NLRP14: variants seen among roughly 807,000 people sequenced by gnomAD.
The protein encoded by NLRP14 is NLR family pyrin domain containing 14, also known as NACHT, LRR and PYD domains-containing protein 14.
A neutral mutation model predicts 94.7 loss-of-function variants in NLRP14; 105 were observed. That is an observed-to-expected ratio of 1.11 (90% CI 0.95 to 1.30). The LOEUF (loss-of-function observed/expected upper bound fraction) is 1.30. Among genes scored for constraint, NLRP14 ranks in the 50% most tolerant of loss-of-function variants. The pLI is 0.00. For synonymous variants in NLRP14, 508 were observed against 459.9 expected, an observed-to-expected ratio of 1.10 and a Z score of -1.34; for missense variants, 1,362 against 1,254.1, an observed-to-expected ratio of 1.09 and a Z score of -1.30.
chr11:7,046,621 GA>G, intron 4 of NLRP14, 46 bp from the exon 5 acceptor site: 2 of 1,566,270 alleles, frequency 1.3e-6, no homozygotes, highest in Non-Finnish European at 1.8e-6. Context: ...TGGCTAGGCT[GA>G]AATAAAATCA....
chr11:7,037,747 T>C (rs551771402), intron 1 of NLRP14, among the ~76,000 whole-genome samples: 2 of 152,208 alleles, frequency 1.3e-5, no homozygotes, highest in South Asian at 4.2e-4. Context: ...TGGAAGATAT[T>C]AGTAAAAAAT....
At chr11:7,051,548 T>C (rs1589866208) in intron 6 of NLRP14, among the ~76,000 whole-genome samples, 1 of 152,218 alleles carries the variant, frequency 6.6e-6, no homozygotes, top group Non-Finnish European at 1.5e-5. Flanking sequence ...TAAAATACCT[T>C]CTAAAACTTT....
downstream of NLRP14, among the ~76,000 whole-genome samples, chr11:7,073,593 C>T (rs1254598561): frequency 6.6e-6 from 1 of 152,190 alleles, no homozygotes; most frequent in African/African-American, 2.4e-5. Flanking sequence ...GTGACCTGTT[C>T]TTCTGACAAA....
At chr11:7,078,462 A>AAAG in the NLRP14 span, among the ~76,000 whole-genome samples, 1,376 of 88,406 alleles carry the variant, frequency 0.016, 388 homozygotes, top group African/African-American at 0.053. Context: ...AAAAAAAAAA[A>AAAG]CAAAAAAATT....
chr11:7,050,354 T>A lies in NLRP14; in HGVS notation c.2291+516T>A, dbSNP rs572346100. ...AATGGTCCTCTTTCAAGGTGCTTGC[T>A]GGCTACCACACACTATTGATCTGAG... On this transcript the variant is annotated intron_variant, in intron 6 of 11. Coordinates refer to ENST00000299481, the MANE Select transcript of NLRP14 (RefSeq NM_176822.4). Among the ~76,000 whole-genome samples the A allele has an allele frequency of 6.6e-5, 10 of 152,324 alleles. No homozygotes were observed. The South Asian group carries it at 2.1e-3, about 32-fold the overall frequency.
At chr11:7,071,002 C>T (rs369658717) in intron 11 of NLRP14, among the ~76,000 whole-genome samples, 171 bp from the exon 12 acceptor site, 5 of 152,246 alleles carry the variant, frequency 3.3e-5, no homozygotes, top group African/African-American at 1.2e-4. Flanking sequence ...ACTTTATCTC[C>T]CTCACTGTAT....
In NLRP14 at chr11:7,043,576, G is replaced by A; in HGVS notation, c.1550G>A (p.Ser517Asn). 6.2e-7 allele frequency: 1 copy of A among 1,614,160 alleles called. No individual in the cohort carries two copies. The highest frequency in any genetic ancestry group is 8.5e-7 in the Non-Finnish European group (1 of 1,180,008). The change falls in exon 4 of 12, where the codon AGC becomes AAC. Residue 517 changes from serine to asparagine, a missense_variant. Coordinates refer to ENST00000299481, the MANE Select transcript of NLRP14 (RefSeq NM_176822.4). ...GAAGATTTGAAGTCATTACTTCAAA[G>A]CACAAGTTATAAAGACCCCCATTTG... is the stretch of plus-strand genomic sequence containing the variant. ...PFEDLKSLLQSTSYKDPHLTQ... is the reference protein window; with the variant it reads ...PFEDLKSLLQNTSYKDPHLTQ...
chr11:7,036,776 A>G (rs1248291482), intron 1 of NLRP14, among the ~76,000 whole-genome samples: 1 of 152,112 alleles, frequency 6.6e-6, no homozygotes, highest in Non-Finnish European at 1.5e-5. Context: ...TAGAGTATAG[A>G]AGATTGAAGA....
chr11:7,080,786 G>A, the NLRP14 span, among the ~76,000 whole-genome samples: 7 of 152,218 alleles, frequency 4.6e-5, no homozygotes, highest in Middle Eastern at 3.2e-3. Context: ...AAAGAAACAC[G>A]AAACACGGCT....
In NLRP14 at chr11:7,043,520, G is replaced by A. The variant is rs776632466; in HGVS notation, c.1494G>A (p.Trp498Ter). Residue 498 changes from tryptophan (W) to a stop codon, truncating the protein, a stop_gained, in exon 4 of 12, where the codon TGG (tryptophan) becomes TGA (stop). Transcript: ENST00000299481. LOFTEE classifies it high-confidence loss of function. ...AAMFYMLKGS[W>*]EAGNPSCQPF... Reference sequence around the variant, plus strand: ...TGTTCTATATGTTGAAAGGCAGTTGGGAAGCTGGGAACCCTTCCTGCCAGC... The same window carrying A: ...TGTTCTATATGTTGAAAGGCAGTTGAGAAGCTGGGAACCCTTCCTGCCAGC... The A allele has an allele frequency of 4.3e-6, 7 of 1,614,032 alleles. No individual in the cohort carries two copies. In the East Asian group the frequency reaches 1.6e-4, roughly 36 times the overall value.
chr11:7,046,612 G>A (rs1192819108), intron 4 of NLRP14, 56 bp from the exon 5 acceptor site: 3 of 1,504,070 alleles, frequency 2.0e-6, no homozygotes, highest in African/African-American at 1.4e-5. Context: ...TCTGAGAGTT[G>A]GCTAGGCTGA....
chr11:7,046,886 C>A (rs535921365), intron 5 of NLRP14, 54 bp downstream of exon 5: 2 of 1,304,928 alleles, frequency 1.5e-6, no homozygotes, highest in African/African-American at 1.5e-5. Context: ...TTTCTGTGTC[C>A]CATCTTCCAC....
chr11:7,073,527 A>G (rs983010800), downstream of NLRP14, among the ~76,000 whole-genome samples: 1 of 152,106 alleles, frequency 6.6e-6, no homozygotes, highest in African/African-American at 2.4e-5. Flanking sequence ...ACAGGTGAGG[A>G]TCTCAGTCCC....
Position 7,042,728 on chromosome 11 carries a change from A to G in NLRP14, c.702A>G (p.Ser234=). ...LKERSFAQLI[S]KDWPSTEGPI... ...AGAGAAGCTTTGCTCAATTGATATC[A>G]AAGGACTGGCCCAGCACAGAAGGCC... Residue 234 remains serine, a synonymous_variant, in exon 4 of 12, where the codon TCA becomes TCG. Transcript: ENST00000299481. 6.2e-7 allele frequency: 1 copy of G among 1,614,246 alleles called. No homozygotes were observed. The highest frequency in any genetic ancestry group is 8.5e-7 in the Non-Finnish European group (1 of 1,180,042).
chr11:7,023,715 T>G (rs1226604394), intron 1 of NLRP14, among the ~76,000 whole-genome samples: 1 of 152,072 alleles, frequency 6.6e-6, no homozygotes, highest in Non-Finnish European at 1.5e-5. Flanking sequence ...TTCTGCAAGC[T>G]TTACAGGAAG....
At chr11:7,048,416 C>A (rs1852391520) in intron 5 of NLRP14, among the ~76,000 whole-genome samples, 1 of 152,034 alleles carries the variant, frequency 6.6e-6, no homozygotes, top group African/African-American at 2.4e-5. Flanking sequence ...TTGTGCCTGT[C>A]AATATGTACA....
chr11:7,021,869 C>T (rs1028527544), intron 1 of NLRP14, among the ~76,000 whole-genome samples: 5 of 150,844 alleles, frequency 3.3e-5, no homozygotes, highest in Non-Finnish European at 7.4e-5. Flanking sequence ...CCGGTAAGAA[C>T]GAACACTGGA....
Position 7,042,726 on chromosome 11 carries a change from T to G in NLRP14, c.700T>G (p.Ser234Ala). Residue 234 changes from serine to alanine, a missense_variant, in exon 4 of 12, where the codon TCA becomes GCA. Coordinates refer to ENST00000299481, the MANE Select transcript of NLRP14 (RefSeq NM_176822.4). ...AGAGAGAAGCTTTGCTCAATTGATA[T>G]CAAAGGACTGGCCCAGCACAGAAGG... Reference protein sequence around the residue: ...LKERSFAQLISKDWPSTEGPI... With the variant: ...LKERSFAQLIAKDWPSTEGPI... 1 of 1,614,190 alleles carries G rather than the reference T, an allele frequency of 6.2e-7. No individual in the cohort carries two copies. The highest frequency in any genetic ancestry group is 8.5e-7 in the Non-Finnish European group (1 of 1,180,004).
chr11:7,067,604 T>C (rs1852723393), intron 10 of NLRP14, among the ~76,000 whole-genome samples: 1 of 152,206 alleles, frequency 6.6e-6, no homozygotes, highest in South Asian at 2.1e-4. Context: ...CCAAATGTGA[T>C]GAATCACATC....
Sources: allele counts gnomAD v4.1 joint callset (sites outside exome capture counted in the v4.1 genomes callset), GRCh38; gene constraint gnomAD v4.1.1; transcripts MANE v1.5; gene names NCBI Gene and HGNC (gene_info 2026-07-23, HGNC 2026-07-21).